Variants in PALM2AKAP2 observed in about 807,000 individuals in gnomAD.
The protein encoded by PALM2AKAP2 is PALM2 and AKAP2 fusion, also known as PALM2-AKAP2 fusion protein.
Under a neutral mutation model 71.5 loss-of-function variants are expected in PALM2AKAP2, and 37 were observed. That is an observed-to-expected ratio of 0.52 (90% CI 0.40 to 0.68). The LOEUF (loss-of-function observed/expected upper bound fraction) is 0.68. Ranked by LOEUF, PALM2AKAP2 falls within the 30% of genes least tolerant of loss-of-function variation. PALM2AKAP2 has a pLI of 0.00. For synonymous variants in PALM2AKAP2, 468 were observed against 478.8 expected, an observed-to-expected ratio of 0.98 and a Z score of 0.29; for missense variants, 1,224 against 1,191.8, an observed-to-expected ratio of 1.03 and a Z score of -0.40.
intron 1 of PALM2AKAP2, among the ~76,000 whole-genome samples, chr9:109,796,688 G>A (rs1166369042): frequency 6.6e-6 from 1 of 152,172 alleles, no homozygotes; most frequent in Non-Finnish European, 1.5e-5. Flanking sequence ...GTGGCAACAG[G>A]TGAGAGAGAT....
At chr9:109,946,674 C>G (rs1327333606) in intron 6 of PALM2AKAP2, 1 of 107,804 alleles carries the variant, frequency 9.3e-6, no homozygotes, top group Non-Finnish European at 1.7e-5. Flanking sequence ...CAACAAAGAG[C>G]GAAACTCCAT....
At chr9:110,012,037 G>A (rs1216846375) in intron 6 of PALM2AKAP2, among the ~76,000 whole-genome samples, 2 of 152,236 alleles carry the variant, frequency 1.3e-5, no homozygotes, top group Admixed American at 1.3e-4. Flanking sequence ...GCTTATGCCT[G>A]TAATCCCAAC....
At chr9:109,866,736 G>C (rs540068947) in intron 1 of PALM2AKAP2, among the ~76,000 whole-genome samples, 1 of 152,258 alleles carries the variant, frequency 6.6e-6, no homozygotes, top group East Asian at 1.9e-4. Flanking sequence ...TAAGTGGTTT[G>C]GATGCAGTTA....
intron 3 of PALM2AKAP2, among the ~76,000 whole-genome samples, chr9:109,893,855 T>G (rs1380067546): frequency 2.6e-5 from 4 of 151,854 alleles, no homozygotes; most frequent in African/African-American, 9.7e-5. Context: ...GGGAGAGAGA[T>G]CATCAGGAAG....
chr9:109,709,325 G>A (rs1564120825), intron 1 of PALM2AKAP2, among the ~76,000 whole-genome samples: 1 of 152,158 alleles, frequency 6.6e-6, no homozygotes, highest in African/African-American at 2.4e-5. Flanking sequence ...TCTTCTTTCT[G>A]TATGCTTCTT....
At chr9:109,944,291 T>A (rs1048036711) in intron 6 of PALM2AKAP2, 1 of 152,234 alleles carries the variant, frequency 6.6e-6, no homozygotes, top group African/African-American at 2.4e-5. Context: ...TTGTTTCTTT[T>A]TTCTGGATAT....
intron 7 of PALM2AKAP2, among the ~76,000 whole-genome samples, chr9:110,039,598 G>GTAACTTTCCTCCTAGTTC (rs1337168112): frequency 6.6e-6 from 1 of 152,138 alleles, no homozygotes; most frequent in East Asian, 1.9e-4. Context: ...TGGGCAACAT[G>GTAACTTTCCTCCTAGTTC]TAACTTTCCT....
Position 109,956,354 on chromosome 9 carries a change from A to G in PALM2AKAP2, c.496+24326A>G, listed in dbSNP as rs866393752. Among the ~76,000 whole-genome samples, 4 of 152,158 alleles carry G rather than the reference A, an allele frequency of 2.6e-5. No homozygotes were observed. The East Asian group carries it at 5.8e-4, about 22-fold the overall frequency. ...AATTGTATTTCCCAAATTAAAAAAA[A>G]TATTTCCAAGTCACTGAATATTAAA... On this transcript the variant is annotated intron_variant, in intron 6 of 9. Coordinates refer to the PALM2AKAP2 transcript ENST00000302798.
chr9:109,880,602 G>A lies in PALM2AKAP2; in HGVS notation c.178G>A (p.Ala60Thr), dbSNP rs527526315. 86 of 1,613,774 alleles carry A rather than the reference G, an allele frequency of 5.3e-5. 1 individual carries two copies. The South Asian group carries it at 8.8e-4, about 16-fold the overall frequency. Reference sequence around the variant, plus strand: ...GCTGCAGGGCATACCCGCTGGAACTGCCGAAGAGGAGGAAGCCAGGAGGCG... The same window carrying A: ...GCTGCAGGGCATACCCGCTGGAACTACCGAAGAGGAGGAAGCCAGGAGGCG... Residue 60 changes from alanine to threonine, a missense_variant, in exon 3 of 10, where the codon GCC becomes ACC. Physicochemically the swap from Ala to Thr is moderately conservative, Grantham distance 58. Coordinates refer to the PALM2AKAP2 transcript ENST00000302798.
intron 6 of PALM2AKAP2, among the ~76,000 whole-genome samples, chr9:109,938,083 G>A (rs1217774989): frequency 6.6e-6 from 1 of 152,134 alleles, no homozygotes; most frequent in Non-Finnish European, 1.5e-5. Context: ...AAGTAGAAGA[G>A]TTTTTAAAAT....
intron 1 of PALM2AKAP2, among the ~76,000 whole-genome samples, chr9:109,782,417 G>T (rs1826828433): frequency 6.6e-6 from 1 of 152,104 alleles, no homozygotes; most frequent in South Asian, 2.1e-4. Context: ...GTCAATCTTG[G>T]ATTGAAACTA....
At chr9:109,682,365 C>T (rs1827749226) in intron 1 of PALM2AKAP2, among the ~76,000 whole-genome samples, 1 of 152,164 alleles carries the variant, frequency 6.6e-6, no homozygotes, top group Non-Finnish European at 1.5e-5. Context: ...GTACATAATG[C>T]ACTAGGTAAT....
At chr9:109,865,027 C>T (rs75083152) in intron 1 of PALM2AKAP2, among the ~76,000 whole-genome samples, 6,175 of 150,868 alleles carry the variant, frequency 0.041, 258 homozygotes, top group African/African-American at 0.1. Context: ...GCATTTCTAC[C>T]CTTGTTCACC....
intron 6 of PALM2AKAP2, among the ~76,000 whole-genome samples, chr9:109,998,842 T>C (rs1832626378): frequency 6.6e-6 from 1 of 150,988 alleles, no homozygotes; most frequent in African/African-American, 2.4e-5. Context: ...GTAAGAACCA[T>C]GACCAGGAAA....
At chr9:109,663,328 C>T (rs1242020498) in intron 1 of PALM2AKAP2, among the ~76,000 whole-genome samples, 1 of 151,756 alleles carries the variant, frequency 6.6e-6, no homozygotes, top group Middle Eastern at 3.4e-3. Flanking sequence ...GCATTTAGTG[C>T]TATAAATTTC....
chr9:109,922,266 T>A (rs1588010541), intron 3 of PALM2AKAP2, among the ~76,000 whole-genome samples: 1 of 148,972 alleles, frequency 6.7e-6, no homozygotes, highest in South Asian at 2.1e-4. Flanking sequence ...CAAAAAAAAA[T>A]TAAAAATTAG....
chr9:109,943,135 G>A (rs770903625), intron 6 of PALM2AKAP2: 1 of 1,614,198 alleles, frequency 6.2e-7, no homozygotes, highest in Non-Finnish European at 8.5e-7. Context: ...GATTTTTATG[G>A]GCTACCAAAA....
chr9:110,147,859 A>G (rs566155749), intron 2 of PALM2AKAP2, among the ~76,000 whole-genome samples: 1 of 152,322 alleles, frequency 6.6e-6, no homozygotes, highest in East Asian at 1.9e-4. Context: ...AAATAACCGA[A>G]CACACATGAT....
In PALM2AKAP2 at chr9:109,682,927, G is replaced by A. The variant is rs556791073; in HGVS notation, c.5+42061G>A. ...AAGAGTCTTCGCAGAGGTAATTATT[G>A]TAATCCCCAATGTTGGAGGTAGGAC... is the stretch of plus-strand genomic sequence containing the variant. On this transcript the variant is annotated intron_variant, in intron 1 of 6. Coordinates refer to the PALM2AKAP2 transcript ENST00000374531. 2.0e-5 allele frequency among the ~76,000 whole-genome samples: 3 copies of A among 152,282 alleles called. No homozygotes were observed. In the South Asian group the frequency reaches 6.2e-4, roughly 32 times the overall value.
Sources: gnomAD v4.1 joint callset for allele counts (sites outside exome capture counted in the v4.1 genomes callset) on GRCh38, gnomAD v4.1.1 for gene constraint, MANE v1.5 for transcripts, NCBI Gene and HGNC (gene_info 2026-07-23, HGNC 2026-07-21) for gene names.